Variants in MIEF1 observed in about 807,000 individuals in gnomAD.
MIEF1 encodes the protein mitochondrial dynamics protein MIEF1.
Under a neutral mutation model 35.1 loss-of-function variants are expected in MIEF1, and 14 were observed. The observed-to-expected ratio is 0.40, with a 90% CI of 0.26 to 0.62. The LOEUF is 0.62. Among genes scored for constraint, MIEF1 ranks in the 20% least tolerant of loss-of-function variants. The pLI is 0.43. For synonymous variants in MIEF1, 245 were observed against 254.3 expected (o/e 0.96, Z 0.35); for missense variants, 542 against 615.4 (o/e 0.88, Z 1.26).
At position 39,514,924 on chromosome 22, in the gene MIEF1, C is replaced by T; in HGVS notation, c.*601C>T. On this transcript the variant is annotated 3_prime_UTR_variant, in exon 6 of 6. Coordinates refer to ENST00000325301, the MANE Select transcript of MIEF1 (RefSeq NM_019008.6). Reference sequence around the variant, plus strand: ...ACGGTTCCTGGAGTAGAAGTCCATCCTCCCCCCAACCTCCTGACCCATTCA... The same window carrying T: ...ACGGTTCCTGGAGTAGAAGTCCATCTTCCCCCCAACCTCCTGACCCATTCA... 3.2e-6 allele frequency: 1 copy of T among 308,452 alleles called. No homozygotes were observed. Among genetic ancestry groups the T allele is most frequent in the Admixed American group, 4.7e-5 (1 of 21,386 alleles). The allele number at this position is 308,452 out of a possible 1,614,324, so 19.1% of individuals were successfully genotyped here.
In MIEF1 at chr22:39,513,646, G is replaced by C. The variant is rs756360670; in HGVS notation, c.715G>C (p.Glu239Gln). The change falls in exon 6 of 6, where the codon GAG becomes CAG. Residue 239 changes from glutamate (E) to glutamine (Q), a missense_variant. Physicochemically the swap from Glu to Gln is conservative, Grantham distance 29. Coordinates refer to ENST00000325301, the MANE Select transcript of MIEF1 (RefSeq NM_019008.6). ...GFFLVRRENP[E>Q]YFPRGSSYWD... is the part of the protein sequence containing the mutation. ...CTTCCTGGTGCGTCGTGAGAATCCA[G>C]AGTACTTTCCTCGTGGGAGCAGTTA... The C allele has an allele frequency of 6.2e-7, 1 of 1,614,180 alleles. No individual in the cohort carries two copies.
chr22:39,507,275 T>A (rs191600660), intron 2 of MIEF1, among the ~76,000 whole-genome samples: 2 of 151,982 alleles, frequency 1.3e-5, no homozygotes, highest in Non-Finnish European at 2.9e-5. Context: ...GATGGAGTCT[T>A]GCTCTGTCAC....
In MIEF1 at chr22:39,511,936, G is replaced by A; in HGVS notation, c.232G>A (p.Gly78Ser). 6.2e-7 allele frequency: 1 copy of A among 1,614,198 alleles called. No homozygotes were observed. The highest frequency in any genetic ancestry group is 1.1e-5 in the South Asian group (1 of 91,090). ...KRSWEEPNWMGSPRLLNRDMK... is the reference protein window; with the variant it reads ...KRSWEEPNWMSSPRLLNRDMK... ...GAGCTGGGAAGAACCCAACTGGATG[G>A]GCTCCCCACGACTGCTGAACAGGGA... is the stretch of plus-strand genomic sequence containing the variant. Residue 78 changes from glycine (G) to serine (S), a missense_variant, in exon 4 of 6, where the codon GGC becomes AGC. Coordinates refer to ENST00000325301, the MANE Select transcript of MIEF1 (RefSeq NM_019008.6).
chr22:39,508,168 C>T (rs1036816228), intron 2 of MIEF1, among the ~76,000 whole-genome samples: 7 of 152,200 alleles, frequency 4.6e-5, no homozygotes, highest in Non-Finnish European at 7.4e-5. Context: ...TGGTCCCACG[C>T]GGGGACCATT....
Position 39,517,936 on chromosome 22 carries a change from T to C in MIEF1, c.*3613T>C, listed in dbSNP as rs889950523. The C allele has an allele frequency of 1.9e-5, 4 of 213,932 alleles. No homozygotes were observed. In the Admixed American group the frequency reaches 2.2e-4, roughly 12 times the overall value. 13.3% of individuals were successfully genotyped at this position (213,932 alleles called of 1,614,324 possible). A position where few individuals can be genotyped will look rare whatever the true frequency, so the allele number is the denominator to read the frequency against. Reference sequence around the variant, plus strand: ...CTTGCCTGCCCGCAGTGGTGGTGGATGTGTTAGCTGGTAGATTTGGAATCA... The same window carrying C: ...CTTGCCTGCCCGCAGTGGTGGTGGACGTGTTAGCTGGTAGATTTGGAATCA... On this transcript the variant is annotated 3_prime_UTR_variant, in exon 6 of 6. Coordinates refer to ENST00000325301, the MANE Select transcript of MIEF1 (RefSeq NM_019008.6).
In MIEF1 at chr22:39,515,162, A is replaced by T. The variant is rs1395125205; in HGVS notation, c.*839A>T. ...AGGGGTCAGACAGACAAGGATGGGG[A>T]CTGCCAGGGCACCACTTCATCATGA... is the stretch of plus-strand genomic sequence containing the variant. On this transcript the variant is annotated 3_prime_UTR_variant, in exon 6 of 6. Transcript: ENST00000325301. 1 of 658,636 alleles carries T rather than the reference A, an allele frequency of 1.5e-6. No homozygotes were observed. The highest frequency in any genetic ancestry group is 1.8e-5 in the African/African-American group (1 of 55,838). The allele number at this position is 658,636 out of a possible 1,614,324, so 40.8% of individuals were successfully genotyped here. A position where few individuals can be genotyped will look rare whatever the true frequency, so the allele number is the denominator to read the frequency against.
upstream of MIEF1, among the ~76,000 whole-genome samples, chr22:39,501,074 T>C (rs574263207): frequency 3.9e-5 from 6 of 152,246 alleles, no homozygotes; most frequent in South Asian, 1.2e-3. Context: ...CAGATCCCAT[T>C]GAAAGGGAAG....
Position 39,512,310 on chromosome 22 carries a change from C to A in MIEF1, c.401C>A (p.Ser134Tyr). 1 of 1,614,246 alleles carries A rather than the reference C, an allele frequency of 6.2e-7. No individual in the cohort carries two copies. The highest frequency in any genetic ancestry group is 8.5e-7 in the Non-Finnish European group (1 of 1,180,062). The change falls in exon 5 of 6, where the codon TCC becomes TAC. Residue 134 changes from serine (S) to tyrosine (Y), a missense_variant. Coordinates refer to ENST00000325301, the MANE Select transcript of MIEF1 (RefSeq NM_019008.6). The part of the protein sequence containing the change: ...VDLKKSRLRM[S>Y]LQEKLLTYYR... Reference sequence around the variant, plus strand: ...TTGAAGAAGTCACGACTCCGCATGTCCCTGCAGGAGAAACTTCTTACTTAC... The same window carrying A: ...TTGAAGAAGTCACGACTCCGCATGTACCTGCAGGAGAAACTTCTTACTTAC...
intron 1 of MIEF1, chr22:39,503,031 C>T: frequency 6.6e-6 from 1 of 152,106 alleles, no homozygotes; most frequent in East Asian, 1.9e-4. Context: ...GTGATCATTT[C>T]TTCCACATAG....
Position 39,513,708 on chromosome 22 carries a change from A to G in MIEF1, c.777A>G (p.Pro259=). The G allele has an allele frequency of 6.2e-7, 1 of 1,614,138 alleles. No individual in the cohort carries two copies. Among genetic ancestry groups the G allele is most frequent in the Non-Finnish European group, 8.5e-7 (1 of 1,180,022 alleles). The change falls in exon 6 of 6, where the codon CCA becomes CCG. Residue 259 remains proline, a synonymous_variant. Transcript: ENST00000325301. Reference sequence around the variant, plus strand: ...GTGTAGTAGGGGGCTACCTCTCTCCAAAGACAGTCGCAGATACATTTGAGA... The same window carrying G: ...GTGTAGTAGGGGGCTACCTCTCTCCGAAGACAGTCGCAGATACATTTGAGA... The part of the protein sequence containing the change: ...DRCVVGGYLS[P]KTVADTFEKV...
chr22:39,505,150 C>T (rs1393241718), intron 2 of MIEF1, among the ~76,000 whole-genome samples: 4 of 151,996 alleles, frequency 2.6e-5, no homozygotes, highest in Non-Finnish European at 4.4e-5. Flanking sequence ...ACCAAGATCG[C>T]GCCACTGCAC....
In MIEF1 at chr22:39,513,585, T is replaced by C; in HGVS notation, c.654T>C (p.Ile218=). 6.2e-7 allele frequency: 1 copy of C among 1,614,222 alleles called. No individual in the cohort carries two copies. The highest frequency in any genetic ancestry group is 8.5e-7 in the Non-Finnish European group (1 of 1,180,034). ...TGGAGCAGAACCTGTGGTCATGTAT[T>C]CCTGGTGAAGACACCATCATGAATG... ...LVLEQNLWSC[I]PGEDTIMNVP... is the part of the protein sequence containing the mutation. Residue 218 remains isoleucine (I), a synonymous_variant, in exon 6 of 6, where the codon ATT becomes ATC. Transcript: ENST00000325301.
chr22:39,513,798 G>A lies in MIEF1; in HGVS notation c.867G>A (p.Pro289=), dbSNP rs777462191. ...CCCTCTTGGACTATGTGATCCGCCC[G>A]GCCCCACCCCCAGAAGCCCTCACAC... The part of the protein sequence containing the change: ...IGSLLDYVIR[P]APPPEALTLE... Residue 289 remains proline, a synonymous_variant, in exon 6 of 6, where the codon CCG becomes CCA. Coordinates refer to ENST00000325301, the MANE Select transcript of MIEF1 (RefSeq NM_019008.6). 6.2e-6 allele frequency: 10 copies of A among 1,614,044 alleles called. No individual in the cohort carries two copies. Among genetic ancestry groups the A allele is most frequent in the African/African-American group, 5.3e-5 (4 of 75,016 alleles).
Position 39,513,908 on chromosome 22 carries a change from A to AACCAC in MIEF1, c.981_985dup (p.Arg329HisfsTer4). ...CTCGGTGACACAGTCTTGGTGGCCA[A>AACCAC]ACCACACCGGCTAGCCCAGTATGAC... On this transcript the variant is annotated frameshift_variant, in exon 6 of 6. Coordinates refer to ENST00000325301, the MANE Select transcript of MIEF1 (RefSeq NM_019008.6). LOFTEE classifies it high-confidence loss of function. 6.2e-7 allele frequency: 1 copy of AACCAC among 1,614,058 alleles called. No homozygotes were observed. Among genetic ancestry groups the AACCAC allele is most frequent in the Non-Finnish European group, 8.5e-7 (1 of 1,180,028 alleles).
intron 1 of MIEF1, chr22:39,503,018 G>A (rs1929826894): frequency 6.6e-6 from 1 of 152,106 alleles, no homozygotes; most frequent in South Asian, 2.1e-4. Context: ...TTCTGAAACG[G>A]AGGTGATCAT....
Position 39,515,625 on chromosome 22 carries a change from G to T in MIEF1, c.*1302G>T. The stretch of plus-strand genomic sequence containing the variant: ...TTTCCTACATTCCTCCTTGTTTGCC[G>T]CTGCTGAGATTGCAGTATTTATTGC... On this transcript the variant is annotated 3_prime_UTR_variant, in exon 6 of 6. Coordinates refer to ENST00000325301, the MANE Select transcript of MIEF1 (RefSeq NM_019008.6). 1 of 480,606 alleles carries T rather than the reference G, an allele frequency of 2.1e-6. No homozygotes were observed. Among genetic ancestry groups the T allele is most frequent in the East Asian group, 3.4e-5 (1 of 29,834 alleles). The allele number at this position is 480,606 out of a possible 1,614,324, so 29.8% of individuals were successfully genotyped here.
chr22:39,511,490 G>C, intron 3 of MIEF1, 52 bp downstream of exon 3: 1 of 1,481,366 alleles, frequency 6.8e-7, no homozygotes, highest in African/African-American at 1.4e-5. Context: ...ATGGTCATAA[G>C]ATGTAATGTT....
chr22:39,507,158 A>G (rs755205342), intron 2 of MIEF1, among the ~76,000 whole-genome samples: 32 of 152,124 alleles, frequency 2.1e-4, no homozygotes, highest in Non-Finnish European at 3.2e-4. Context: ...GAGCTTGTGG[A>G]TGCCGTCTTC....
intron 2 of MIEF1, among the ~76,000 whole-genome samples, chr22:39,507,331 T>C (rs939505573): frequency 4.2e-4 from 64 of 152,052 alleles, no homozygotes; most frequent in East Asian, 1.2e-3. Flanking sequence ...CTGCAACCTC[T>C]GCCTCCCGAC....
Sources: gnomAD v4.1 joint callset for allele counts (sites outside exome capture counted in the v4.1 genomes callset) on GRCh38, gnomAD v4.1.1 for gene constraint, MANE v1.5 for transcripts, NCBI Gene and HGNC (gene_info 2026-07-23, HGNC 2026-07-21) for gene names.